NXPH1: variants seen among roughly 807,000 people sequenced by gnomAD.
The protein encoded by NXPH1 is neurexophilin 1.
Under a neutral mutation model 23.7 loss-of-function variants are expected in NXPH1, and 5 were observed. The observed-to-expected ratio is 0.21, with a 90% CI of 0.11 to 0.44. The LOEUF (loss-of-function observed/expected upper bound fraction) is 0.44. Among genes scored for constraint, NXPH1 ranks in the 20% least tolerant of loss-of-function variants. NXPH1 has a pLI of 0.99. For synonymous variants in NXPH1, 144 were observed against 122.2 expected (o/e 1.18, Z -1.18); for missense variants, 324 against 321.6 (o/e 1.01, Z -0.06).
At chr7:8,689,890 A>G (rs1054364251) in intron 2 of NXPH1, among the ~76,000 whole-genome samples, 9 of 152,180 alleles carry the variant, frequency 5.9e-5, no homozygotes, top group African/African-American at 2.2e-4. Context: ...TTTGAGAACA[A>G]AAGGAGACAC....
intron 2 of NXPH1, among the ~76,000 whole-genome samples, chr7:8,623,750 T>C (rs958551533): frequency 1.5e-5 from 2 of 130,822 alleles, no homozygotes; most frequent in Admixed American, 1.6e-4. Flanking sequence ...CTGCAAAATA[T>C]ATGTATATGC....
chr7:8,608,680 C>G (rs558928059), intron 2 of NXPH1, among the ~76,000 whole-genome samples: 4 of 151,806 alleles, frequency 2.6e-5, no homozygotes, highest in Non-Finnish European at 4.4e-5. Flanking sequence ...CTTTTTTGTG[C>G]GTCATATGAC....
intron 2 of NXPH1, among the ~76,000 whole-genome samples, chr7:8,503,796 C>A (rs961958583): frequency 1.3e-5 from 2 of 151,922 alleles, no homozygotes; most frequent in Non-Finnish European, 2.9e-5. Flanking sequence ...ATTTAAGGTC[C>A]GGTTCATCCG....
chr7:8,559,587 C>T lies in NXPH1; in HGVS notation c.54+123820C>T, dbSNP rs760670035. 6.5e-4 allele frequency among the ~76,000 whole-genome samples: 98 copies of T among 151,772 alleles called. No homozygotes were observed. In the Middle Eastern group the frequency reaches 0.01, roughly 16 times the overall value. On this transcript the variant is annotated intron_variant, in intron 2 of 2. Coordinates refer to ENST00000405863, the MANE Select transcript of NXPH1 (RefSeq NM_152745.3). ...TAGCTGAGTTCCCTAAAACTTTCAGCGCTAAGTTAACAGGTACATGAGCTT... is the reference window on the plus strand; with the variant it reads ...TAGCTGAGTTCCCTAAAACTTTCAGTGCTAAGTTAACAGGTACATGAGCTT...
At chr7:8,525,873 G>A (rs968916421) in intron 2 of NXPH1, among the ~76,000 whole-genome samples, 1 of 152,238 alleles carries the variant, frequency 6.6e-6, no homozygotes, top group African/African-American at 2.4e-5. Context: ...AGCCCTCATG[G>A]AGAACCTCTG....
At chr7:8,656,693 C>T (rs1438287258) in intron 2 of NXPH1, among the ~76,000 whole-genome samples, 1 of 151,396 alleles carries the variant, frequency 6.6e-6, no homozygotes, top group African/African-American at 2.4e-5. Flanking sequence ...TCCCTCCCCG[C>T]TCCCCCCACC....
intron 2 of NXPH1, among the ~76,000 whole-genome samples, chr7:8,601,765 C>T (rs768416681): frequency 6.6e-6 from 1 of 152,160 alleles, no homozygotes; most frequent in African/African-American, 2.4e-5. Flanking sequence ...TCCTTCACTT[C>T]CCAGATTTGT....
At chr7:8,441,407 G>T (rs1032096431) in intron 2 of NXPH1, among the ~76,000 whole-genome samples, 3 of 152,222 alleles carry the variant, frequency 2.0e-5, no homozygotes, top group African/African-American at 7.2e-5. Flanking sequence ...CACAGCGCGC[G>T]CATTTTTCTG....
chr7:8,476,126 C>G (rs1816966757), intron 2 of NXPH1, among the ~76,000 whole-genome samples: 1 of 152,092 alleles, frequency 6.6e-6, no homozygotes, highest in African/African-American at 2.4e-5. Context: ...ACCATAGGCC[C>G]TTTTCTAAAT....
intron 2 of NXPH1, among the ~76,000 whole-genome samples, chr7:8,704,597 C>T (rs1423907234): frequency 2.6e-5 from 4 of 152,040 alleles, no homozygotes; most frequent in Non-Finnish European, 5.9e-5. Flanking sequence ...AATGCCTAGC[C>T]TTTAGAATTA....
At chr7:8,480,187 C>G (rs997213788) in intron 2 of NXPH1, among the ~76,000 whole-genome samples, 1 of 151,882 alleles carries the variant, frequency 6.6e-6, no homozygotes, top group African/African-American at 2.4e-5. Flanking sequence ...GGAAGTTGGC[C>G]TTATAATAAC....
chr7:8,458,677 T>C lies in NXPH1; in HGVS notation c.54+22910T>C, dbSNP rs192827263. Reference sequence around the variant, plus strand: ...CTTGAAGTCTCAGTTTTCTAATATGTAAAGTGATGATTGCGGCATTTGGTT... The same window carrying C: ...CTTGAAGTCTCAGTTTTCTAATATGCAAAGTGATGATTGCGGCATTTGGTT... On this transcript the variant is annotated intron_variant, in intron 2 of 2. Transcript: ENST00000405863. Among the ~76,000 whole-genome samples the C allele has an allele frequency of 2.9e-3, 440 of 152,056 alleles. 2 individuals are homozygous for C. Among genetic ancestry groups the C allele is most frequent in the African/African-American group, 0.01 (418 of 41,352 alleles).
At chr7:8,736,929 T>A (rs1780267592) in intron 2 of NXPH1, among the ~76,000 whole-genome samples, 1 of 152,042 alleles carries the variant, frequency 6.6e-6, no homozygotes, top group African/African-American at 2.4e-5. Flanking sequence ...GTCTGTTTTC[T>A]CAGAGACTAG....
chr7:8,492,838 T>C lies in NXPH1; in HGVS notation c.54+57071T>C, dbSNP rs912457086. ...TCTTAATGCTCCAAAGCTTAGCATT[T>C]ACTAGTTTATCCCCTTAAGTTTGGC... On this transcript the variant is annotated intron_variant, in intron 2 of 2. Transcript: ENST00000405863. Among the ~76,000 whole-genome samples, 5 of 152,152 alleles carry C rather than the reference T, an allele frequency of 3.3e-5. No homozygotes were observed. The South Asian group carries it at 8.3e-4, about 25-fold the overall frequency.
At chr7:8,458,884 G>C (rs964106936) in intron 2 of NXPH1, among the ~76,000 whole-genome samples, 2 of 152,126 alleles carry the variant, frequency 1.3e-5, no homozygotes, top group African/African-American at 2.4e-5. Flanking sequence ...TTACACAACT[G>C]TTTGAAAAGA....
chr7:8,684,901 T>C (rs1285159953), intron 2 of NXPH1, among the ~76,000 whole-genome samples: 2 of 152,182 alleles, frequency 1.3e-5, no homozygotes, highest in East Asian at 3.8e-4. Flanking sequence ...ATGTGTGGGT[T>C]TGATTTCAAG....
At chr7:8,537,237 C>T (rs11984314) in intron 2 of NXPH1, among the ~76,000 whole-genome samples, 10,414 of 151,950 alleles carry the variant, frequency 0.069, 912 homozygotes, top group East Asian at 0.21. Flanking sequence ...TCCTCTCCCT[C>T]TCCCCCTATT....
chr7:8,629,290 A>C (rs1302593113), intron 2 of NXPH1, among the ~76,000 whole-genome samples: 1 of 152,116 alleles, frequency 6.6e-6, no homozygotes, highest in Non-Finnish European at 1.5e-5. Context: ...TATAGTGAAG[A>C]GTTTTGAAAA....
chr7:8,658,329 C>G (rs1432275901), intron 2 of NXPH1, among the ~76,000 whole-genome samples: 1 of 152,154 alleles, frequency 6.6e-6, no homozygotes, highest in Non-Finnish European at 1.5e-5. Flanking sequence ...ATGTTAAGTG[C>G]TCAACGAGTG....
Sources: allele counts gnomAD v4.1 joint callset (sites outside exome capture counted in the v4.1 genomes callset), GRCh38; gene constraint gnomAD v4.1.1; transcripts MANE v1.5; gene names NCBI Gene and HGNC (gene_info 2026-07-23, HGNC 2026-07-21).